The following PCNT variants were observed in gnomAD, a reference collection of about 807,000 sequenced individuals.
The protein encoded by PCNT is kendrin.
Under a neutral mutation model 380.4 loss-of-function variants are expected in PCNT, and 319 were observed. The ratio of observed to expected loss-of-function variants is 0.84; its 90% CI spans 0.77 to 0.92. The LOEUF (loss-of-function observed/expected upper bound fraction) is 0.92, where lower values mean the gene tolerates loss of function less well. Ranked by LOEUF, PCNT falls within the 40% of genes least tolerant of loss-of-function variation. The probability of loss-of-function intolerance (pLI) is 0.00; values close to 1 mark genes in which losing one functional copy is unlikely to be tolerated. For synonymous variants in PCNT, 1,845 were observed against 1,735.2 expected (o/e 1.06, Z -1.57); for missense variants, 4,400 against 4,255.3 (o/e 1.03, Z -0.95).
rs2070425 is a variant in PCNT, at chr21:46,416,739, C to G, written c.6821C>G (p.Pro2274Arg). The change falls in exon 30 of 47, where the codon CCG becomes CGG. Residue 2274 changes from proline (P) to arginine (R), a missense_variant. Physicochemically the swap from Pro to Arg is moderately radical, Grantham distance 103 (BLOSUM62 -2). Transcript: ENST00000359568. Reference protein sequence around the residue: ...ADTSLPQTQGPGLLCSPGVSA... With the variant: ...ADTSLPQTQGRGLLCSPGVSA... ...ACCTCGCTGCCACAGACCCAGGGGC[C>G]GGGGCTGCTTTGTTCCCCAGGCGTG... 6 of 1,595,776 alleles carry G rather than the reference C, an allele frequency of 3.8e-6. No individual in the cohort carries two copies. Among genetic ancestry groups the G allele is most frequent in the Non-Finnish European group, 5.1e-6 (6 of 1,169,768 alleles).
chr21:46,432,212 G>T lies in PCNT; in HGVS notation c.8748G>T (p.Lys2916Asn). The change falls in exon 38 of 47, where the codon AAG (lysine) becomes AAT (asparagine). Residue 2916 changes from lysine (K) to asparagine (N), a missense_variant. Coordinates refer to ENST00000359568, the MANE Select transcript of PCNT (RefSeq NM_006031.6). Reference protein sequence around the residue: ...QWRKWQRDKEKLRELELQRQR... With the variant: ...QWRKWQRDKENLRELELQRQR... ...GGAAGTGGCAGAGAGACAAGGAGAA[G>T]CTGGTGAGAGCCGCCTGCCGGCGGA... 6.2e-7 allele frequency: 1 copy of T among 1,606,860 alleles called. No homozygotes were observed. The highest frequency in any genetic ancestry group is 8.5e-7 in the Non-Finnish European group (1 of 1,177,694).
At position 46,411,908 on chromosome 21, in the gene PCNT, G is replaced by A. The variant is rs1001610592; in HGVS notation, c.5835G>A (p.Val1945=). 4 of 1,585,922 alleles carry A rather than the reference G, an allele frequency of 2.5e-6. No individual in the cohort carries two copies. Among genetic ancestry groups the A allele is most frequent in the African/African-American group, 2.7e-5 (2 of 74,610 alleles). Residue 1945 remains valine (V), a synonymous_variant, in exon 28 of 47, where the codon GTG becomes GTA. Transcript: ENST00000359568. ...VLHQRFLRCQ[V]ELDRRQARRA... is the part of the protein sequence containing the mutation. Reference sequence around the variant, plus strand: ...ACCAGCGGTTCCTGAGGTGCCAGGTGGAGCTGGACAGGCGGCAGGCCCGCA... The same window carrying A: ...ACCAGCGGTTCCTGAGGTGCCAGGTAGAGCTGGACAGGCGGCAGGCCCGCA...
intron 15 of PCNT, among the ~76,000 whole-genome samples, chr21:46,372,212 C>T (rs2147006521): frequency 6.6e-6 from 1 of 151,282 alleles, no homozygotes; most frequent in African/African-American, 2.4e-5. Flanking sequence ...AGAGCACATG[C>T]ACACAGCACA....
At chr21:46,373,106 G>C (rs1029579006) in intron 15 of PCNT, among the ~76,000 whole-genome samples, 5 of 152,156 alleles carry the variant, frequency 3.3e-5, no homozygotes, top group African/African-American at 1.2e-4. Flanking sequence ...CTGTGACCTT[G>C]AACGCCTGGC....
rs532263560 is a variant in PCNT, at chr21:46,364,330, C to T, written c.2609+396C>T. ...GTGCTTGGATGGGCAGGCTGGCAGC[C>T]GCCACCCCGAAGCCCCCCGGCCACA... On this transcript the variant is annotated intron_variant, in intron 14 of 46. Coordinates refer to ENST00000359568, the MANE Select transcript of PCNT (RefSeq NM_006031.6). 7.0e-3 allele frequency among the ~76,000 whole-genome samples: 1,050 copies of T among 150,014 alleles called. 9 individuals carry two copies. The highest frequency in any genetic ancestry group is 0.024 in the African/African-American group (988 of 40,668).
At chr21:46,439,178 G>A (rs1295631642) in intron 41 of PCNT, among the ~76,000 whole-genome samples, 1 of 152,066 alleles carries the variant, frequency 6.6e-6, no homozygotes, top group Non-Finnish European at 1.5e-5. Context: ...ACACATCCCT[G>A]TAACCTTCAT....
intron 15 of PCNT, among the ~76,000 whole-genome samples, chr21:46,372,381 G>A (rs1735976815): frequency 6.6e-6 from 1 of 150,952 alleles, no homozygotes; most frequent in African/African-American, 2.4e-5. Context: ...TACAGCACAT[G>A]CTCATACACG....
chr21:46,444,072 C>G, intron 45 of PCNT, 124 bp downstream of exon 45: 1 of 1,051,906 alleles, frequency 9.5e-7, no homozygotes. Flanking sequence ...AGGAAACTCT[C>G]CAGCGTGAGT....
chr21:46,346,915 G>A lies in PCNT; in HGVS notation c.893G>A (p.Arg298Lys). 6.2e-7 allele frequency: 1 copy of A among 1,602,390 alleles called. No individual in the cohort carries two copies. Among genetic ancestry groups the A allele is most frequent in the Admixed American group, 1.7e-5 (1 of 57,750 alleles). ...CAGGAGCTGGCCCTGCTACAGAGCA[G>A]GCAGCAGCACGAGCTGGAGCTCCTC... ...RAQELALLQS[R>K]QQHELELLRE... Residue 298 changes from arginine to lysine, a missense_variant, in exon 5 of 47, where the codon AGG becomes AAG. By Grantham distance (26) the Arg-to-Lys change is conservative. Coordinates refer to ENST00000359568, the MANE Select transcript of PCNT (RefSeq NM_006031.6).
Position 46,411,247 on chromosome 21 carries a change from A to G in PCNT, c.5174A>G (p.Gln1725Arg), listed in dbSNP as rs767415490. Reference protein sequence around the residue: ...EELKATIENLQENQKRLQKEK... With the variant: ...EELKATIENLRENQKRLQKEK... ...CTGAAAGCCACTATTGAAAATCTGCAAGAGAATCAGAAACGATTACAAAAG... is the reference window on the plus strand; with the variant it reads ...CTGAAAGCCACTATTGAAAATCTGCGAGAGAATCAGAAACGATTACAAAAG... Residue 1725 changes from glutamine (Q) to arginine (R), a missense_variant, in exon 28 of 47, where the codon CAA becomes CGA. Gln to Arg is a conservative substitution (Grantham distance 43). Coordinates refer to ENST00000359568, the MANE Select transcript of PCNT (RefSeq NM_006031.6). 1 of 1,614,192 alleles carries G rather than the reference A, an allele frequency of 6.2e-7. No homozygotes were observed. The highest frequency in any genetic ancestry group is 8.5e-7 in the Non-Finnish European group (1 of 1,180,016).
Position 46,399,686 on chromosome 21 carries a change from G to A in PCNT, c.4681G>A (p.Glu1561Lys), listed in dbSNP as rs781526777. The A allele has an allele frequency of 6.8e-6, 11 of 1,613,802 alleles. No individual in the cohort carries two copies. The East Asian group carries it at 2.5e-4, about 36-fold the overall frequency. The change falls in exon 25 of 47, where the codon GAA (glutamate) becomes AAA (lysine). Residue 1561 changes from glutamate to lysine, a missense_variant. Transcript: ENST00000359568. Reference protein sequence around the residue: ...ESADRQVLMQEEEIKRLEEMN... With the variant: ...ESADRQVLMQKEEIKRLEEMN... Reference sequence around the variant, plus strand: ...GGCAGATAGACAAGTGTTAATGCAGGAAGAAGAAATTAAACGTCTGGAGGA... The same window carrying A: ...GGCAGATAGACAAGTGTTAATGCAGAAAGAAGAAATTAAACGTCTGGAGGA...
At chr21:46,386,526 C>T (rs980222582) in intron 17 of PCNT, among the ~76,000 whole-genome samples, 8 of 152,214 alleles carry the variant, frequency 5.3e-5, no homozygotes, top group Non-Finnish European at 1.0e-4. Context: ...CGCCCAGCCC[C>T]GAGGGCTCTC....
intron 31 of PCNT, among the ~76,000 whole-genome samples, chr21:46,421,405 C>T (rs1432623555): frequency 1.3e-5 from 2 of 152,192 alleles, no homozygotes; most frequent in Non-Finnish European, 2.9e-5. Context: ...CGCCCCCCTC[C>T]CTGTGGGCTG....
chr21:46,413,242 G>T, intron 29 of PCNT, among the ~76,000 whole-genome samples: 1 of 124,564 alleles, frequency 8.0e-6, no homozygotes, highest in Admixed American at 7.5e-5. Context: ...GGTGTGGGGA[G>T]GGGGAAGGCG....
chr21:46,360,813 T>C (rs1308848739), intron 13 of PCNT, among the ~76,000 whole-genome samples: 2 of 152,052 alleles, frequency 1.3e-5, no homozygotes, highest in Admixed American at 6.6e-5. Flanking sequence ...CCACCACGCC[T>C]GGCCATAGTT....
intron 27 of PCNT, among the ~76,000 whole-genome samples, chr21:46,410,715 C>G (rs139702040): frequency 6.6e-6 from 1 of 152,200 alleles, no homozygotes; most frequent in East Asian, 1.9e-4. Flanking sequence ...CGCCTCATCA[C>G]CAGCGTCACC....
intron 27 of PCNT, among the ~76,000 whole-genome samples, chr21:46,404,053 CGGTGAATGAACACAG>C: frequency 7.5e-6 from 1 of 132,698 alleles, no homozygotes; most frequent in Non-Finnish European, 1.6e-5. Context: ...GGCGCGTGCT[CGGTGAATGAACACAG>C]CGTGGGAGAA....
At chr21:46,426,282 T>G (rs2087502545) in intron 33 of PCNT, among the ~76,000 whole-genome samples, 2 of 152,108 alleles carry the variant, frequency 1.3e-5, no homozygotes, top group Non-Finnish European at 1.5e-5. Context: ...TCCACCCGCC[T>G]CAGCCTCCCA....
chr21:46,390,564 G>GAGA, intron 19 of PCNT, 106 bp from the exon 20 acceptor site: 1 of 1,091,678 alleles, frequency 9.2e-7, no homozygotes, highest in Non-Finnish European at 1.4e-6. Flanking sequence ...TGCCTGGGTG[G>GAGA]TGACGGCCTG....
Sources: gnomAD v4.1 joint callset for allele counts (sites outside exome capture counted in the v4.1 genomes callset) on GRCh38, gnomAD v4.1.1 for gene constraint, MANE v1.5 for transcripts, NCBI Gene and HGNC (gene_info 2026-07-23, HGNC 2026-07-21) for gene names.